SCN8A: variants seen among roughly 807,000 people sequenced by gnomAD.
The protein encoded by SCN8A is sodium channel protein type 8 subunit alpha.
Under a neutral mutation model 184.1 loss-of-function variants are expected in SCN8A, and 30 were observed. That is an observed-to-expected ratio of 0.16 (90% confidence interval 0.12 to 0.22). The LOEUF is 0.22. Ranked by LOEUF, SCN8A falls within the 10% of genes least tolerant of loss-of-function variation. The probability of loss-of-function intolerance (pLI) is 1.00; values close to 1 mark genes in which losing one functional copy is unlikely to be tolerated. For synonymous variants in SCN8A, 852 were observed against 907.0 expected, an observed-to-expected ratio of 0.94 and a Z score of 1.09; for missense variants, 1,057 against 2,498.9, an observed-to-expected ratio of 0.42 and a Z score of 12.30.
chr12:51,778,707 C>T (rs990102897), intron 20 of SCN8A, among the ~76,000 whole-genome samples: 2 of 152,180 alleles, frequency 1.3e-5, no homozygotes, highest in Non-Finnish European at 2.9e-5. Context: ...TTCACAGACA[C>T]AGGATCAAAG....
At chr12:51,633,763 A>G (rs1940252390) in intron 1 of SCN8A, among the ~76,000 whole-genome samples, 1 of 152,206 alleles carries the variant, frequency 6.6e-6, no homozygotes, top group African/African-American at 2.4e-5. Context: ...TGACGTAATC[A>G]TATGCATTTT....
At position 51,808,282 on chromosome 12, in the gene SCN8A, G is replaced by A. The variant is rs944178771; in HGVS notation, c.*853G>A. The A allele has an allele frequency of 3.3e-5, 5 of 152,558 alleles. No individual in the cohort carries two copies. Among genetic ancestry groups the A allele is most frequent in the African/African-American group, 4.8e-5 (2 of 41,410 alleles). The allele number at this position is 152,558 out of a possible 1,614,324, so 9.5% of individuals were successfully genotyped here. ...GTCCTTCATACACCTTCTGGGTAGG[G>A]AAACAACCAACTAATTGACTAACAC... is the stretch of plus-strand genomic sequence containing the variant. On this transcript the variant is annotated 3_prime_UTR_variant, in exon 27 of 27. Transcript: ENST00000627620.
chr12:51,722,054 T>A (rs1565900199), intron 12 of SCN8A, 146 bp downstream of exon 12: 4 of 1,288,350 alleles, frequency 3.1e-6, no homozygotes, highest in Non-Finnish European at 4.3e-6. Flanking sequence ...CCCACTCCTG[T>A]TAACACCCCA....
chr12:51,667,831 T>C lies in SCN8A; in HGVS notation c.276+4738T>C, dbSNP rs1469981541. On this transcript the variant is annotated intron_variant, in intron 2 of 26. Transcript: ENST00000627620. ...CGTGTTACAATCATATAAACAAAAA[T>C]TTAAATTACAAGATTGATCAATGTG... is the stretch of plus-strand genomic sequence containing the variant. 2.0e-5 allele frequency among the ~76,000 whole-genome samples: 3 copies of C among 152,252 alleles called. No homozygotes were observed. The East Asian group carries it at 5.8e-4, about 29-fold the overall frequency.
chr12:51,797,034 A>T (rs1187587165), intron 26 of SCN8A, among the ~76,000 whole-genome samples: 1 of 152,170 alleles, frequency 6.6e-6, no homozygotes, highest in Non-Finnish European at 1.5e-5. Context: ...CTTTTGCACC[A>T]GCCTAATCTC....
At chr12:51,664,212 C>CTT (rs747228979) in intron 2 of SCN8A, among the ~76,000 whole-genome samples, 2 of 143,016 alleles carry the variant, frequency 1.4e-5, no homozygotes, top group Admixed American at 7.0e-5. Context: ...TTATTATTTA[C>CTT]TTTTTTTTTT....
intron 1 of SCN8A, among the ~76,000 whole-genome samples, chr12:51,656,474 A>G (rs1485557853): frequency 6.6e-6 from 1 of 152,210 alleles, no homozygotes; most frequent in Admixed American, 6.5e-5. Context: ...TAAGAACTAC[A>G]GTTTATCAAA....
At chr12:51,618,043 C>T (rs1360594384) in intron 1 of SCN8A, among the ~76,000 whole-genome samples, 1 of 152,164 alleles carries the variant, frequency 6.6e-6, no homozygotes, top group East Asian at 1.9e-4. Flanking sequence ...CTTTCCAGAT[C>T]TGAAGGGTTT....
In SCN8A at chr12:51,707,124, A is replaced by C. The variant is rs186095817; in HGVS notation, c.1635+409A>C. 6.3e-4 allele frequency among the ~76,000 whole-genome samples: 96 copies of C among 152,212 alleles called. 1 individual carries two copies. Among genetic ancestry groups the C allele is most frequent in the African/African-American group, 2.2e-3 (93 of 41,534 alleles). Reference sequence around the variant, plus strand: ...TTTATCCATTTATTTGTTGATGGGCACTTAGGTTGATTTCATATTTTGTCT... The same window carrying C: ...TTTATCCATTTATTTGTTGATGGGCCCTTAGGTTGATTTCATATTTTGTCT... On this transcript the variant is annotated intron_variant, in intron 11 of 26. Coordinates refer to ENST00000627620, the MANE Select transcript of SCN8A (RefSeq NM_001330260.2).
chr12:51,598,166 G>T (rs1939389341), intron 1 of SCN8A, among the ~76,000 whole-genome samples: 1 of 152,148 alleles, frequency 6.6e-6, no homozygotes, highest in Non-Finnish European at 1.5e-5. Flanking sequence ...AGGGAGGGAA[G>T]AAAGTGTTTG....
intron 11 of SCN8A, among the ~76,000 whole-genome samples, chr12:51,709,716 C>T (rs1338961419): frequency 1.3e-5 from 2 of 151,420 alleles, no homozygotes; most frequent in Non-Finnish European, 2.9e-5. Context: ...CATGTTTATA[C>T]TTTGTGGAAG....
chr12:51,636,397 TCCA>T (rs1422993320), intron 1 of SCN8A, among the ~76,000 whole-genome samples: 5 of 152,196 alleles, frequency 3.3e-5, no homozygotes, highest in Admixed American at 6.5e-5. Context: ...ATCACCATCT[TCCA>T]CCTAGTAATC....
chr12:51,690,128 C>G (rs1448065757), intron 6 of SCN8A: 1 of 152,118 alleles, frequency 6.6e-6, no homozygotes, highest in African/African-American at 2.4e-5. Flanking sequence ...GTATTGTGAG[C>G]CTAAGATATA....
At chr12:51,778,098 AC>A (rs2138886002) in intron 20 of SCN8A, among the ~76,000 whole-genome samples, 1 of 152,224 alleles carries the variant, frequency 6.6e-6, no homozygotes, top group South Asian at 2.1e-4. Flanking sequence ...GCTTTTGTGG[AC>A]CATAGTTTAG....
At chr12:51,636,770 G>C (rs1415838938) in intron 1 of SCN8A, among the ~76,000 whole-genome samples, 3 of 152,232 alleles carry the variant, frequency 2.0e-5, no homozygotes, top group African/African-American at 7.2e-5. Flanking sequence ...ATGATGCAAT[G>C]CAAGGCATTG....
At chr12:51,768,776 G>A (rs560832293) in intron 16 of SCN8A, 89 bp from the exon 17 acceptor site, 59 of 1,005,980 alleles carry the variant, frequency 5.9e-5, no homozygotes, top group Non-Finnish European at 8.0e-5. Context: ...AGTCTGTCAC[G>A]TGAAGTCCAT....
chr12:51,705,275 A>C, intron 9 of SCN8A, 142 bp from the exon 10 acceptor site: 2 of 662,406 alleles, frequency 3.0e-6, no homozygotes, highest in Non-Finnish European at 5.1e-6. Flanking sequence ...CCAAGTGCCC[A>C]CAATAGGAAG....
chr12:51,767,292 C>G (rs913857745), intron 16 of SCN8A, among the ~76,000 whole-genome samples: 6 of 152,204 alleles, frequency 3.9e-5, no homozygotes, highest in Admixed American at 2.0e-4. Context: ...CTCCCCATGG[C>G]TGTCTCCAGA....
At chr12:51,782,856 CT>C (rs1192603217) in intron 21 of SCN8A, among the ~76,000 whole-genome samples, 1 of 152,218 alleles carries the variant, frequency 6.6e-6, no homozygotes, top group African/African-American at 2.4e-5. Context: ...CCCCTAAAAA[CT>C]TTCATTTGTC....
Sources: gnomAD v4.1 joint callset for allele counts (sites outside exome capture counted in the v4.1 genomes callset) on GRCh38, gnomAD v4.1.1 for gene constraint, MANE v1.5 for transcripts, NCBI Gene and HGNC (gene_info 2026-07-23, HGNC 2026-07-21) for gene names.